Variants in RALYL observed in about 807,000 individuals in gnomAD.
The protein encoded by RALYL is RNA-binding Raly-like protein.
Under a neutral mutation model 35.1 loss-of-function variants are expected in RALYL, and 29 were observed. The ratio of observed to expected loss-of-function variants is 0.83; its 90% CI spans 0.61 to 1.13. RALYL has a LOEUF of 1.13. Ranked by LOEUF, RALYL falls within the 50% of genes most tolerant of loss-of-function variation. RALYL has a pLI of 0.00. For synonymous variants in RALYL, 120 were observed against 127.6 expected (o/e 0.94, Z 0.40); for missense variants, 359 against 360.4 (o/e 1.00, Z 0.03).
chr8:84,303,534 A>G (rs1841214484), intron 1 of RALYL, among the ~76,000 whole-genome samples: 1 of 152,132 alleles, frequency 6.6e-6, no homozygotes, highest in South Asian at 2.1e-4. Flanking sequence ...TGATTACTTA[A>G]TTAGTTTTCT....
At chr8:84,688,358 G>C (rs1277534667) in intron 2 of RALYL, among the ~76,000 whole-genome samples, 1 of 152,016 alleles carries the variant, frequency 6.6e-6, no homozygotes, top group Non-Finnish European at 1.5e-5. Context: ...AATCGAAACA[G>C]CCTGATGCTG....
chr8:84,729,808 T>C (rs1031578702), intron 2 of RALYL, among the ~76,000 whole-genome samples: 1 of 151,960 alleles, frequency 6.6e-6, no homozygotes, highest in African/African-American at 2.4e-5. Flanking sequence ...TTCCTCGACA[T>C]ATACACTCTC....
chr8:84,732,668 T>TTATATATATATA (rs1554553641), intron 2 of RALYL, among the ~76,000 whole-genome samples: 5 of 132,488 alleles, frequency 3.8e-5, no homozygotes, highest in African/African-American at 1.6e-4. Flanking sequence ...TATTAAATAA[T>TTATATATATATA]TATATATATA....
At chr8:84,346,167 T>C (rs1849795130) in intron 1 of RALYL, 1 of 579,688 alleles carries the variant, frequency 1.7e-6, no homozygotes. Context: ...GTTCAACAAA[T>C]GTTTGAATAA....
At chr8:84,618,218 G>T (rs1159225666) in intron 2 of RALYL, among the ~76,000 whole-genome samples, 1 of 151,756 alleles carries the variant, frequency 6.6e-6, no homozygotes. Context: ...GAATCCATTT[G>T]GTCCTGGACT....
intron 1 of RALYL, among the ~76,000 whole-genome samples, chr8:84,452,230 C>T (rs1216000946): frequency 1.5e-5 from 2 of 133,724 alleles, no homozygotes; most frequent in South Asian, 2.6e-4. Context: ...GTTGTTGATA[C>T]TACTTTTTTT....
At chr8:84,586,163 C>G (rs188174303) in intron 2 of RALYL, among the ~76,000 whole-genome samples, 73 of 151,322 alleles carry the variant, frequency 4.8e-4, no homozygotes, top group African/African-American at 1.7e-3. Flanking sequence ...CCACTGCACT[C>G]CAGCCTGGGC....
At chr8:84,204,336 A>G (rs1478563129) in intron 1 of RALYL, among the ~76,000 whole-genome samples, 1 of 152,178 alleles carries the variant, frequency 6.6e-6, no homozygotes, top group Non-Finnish European at 1.5e-5. Flanking sequence ...TGATAAATAA[A>G]ATCTATAAAT....
rs749301562 is a variant in RALYL, at chr8:84,650,364, CA to C, written c.256+120790del. Among the ~76,000 whole-genome samples the C allele has an allele frequency of 1.3e-4, 19 of 151,814 alleles. No homozygotes were observed. In the South Asian group the frequency reaches 2.5e-3, roughly 20 times the overall value. ...ATCCAGAATCTACAATGAACTCAAACAAATTTACAAGAAAAAAACAAACAAC... is the reference window on the plus strand; with the variant it reads ...ATCCAGAATCTACAATGAACTCAAACAATTTACAAGAAAAAAACAAACAAC... On this transcript the variant is annotated intron_variant, in intron 2 of 8. Transcript: ENST00000521268.
At chr8:84,459,729 A>G (rs192448002) in intron 1 of RALYL, among the ~76,000 whole-genome samples, 1 of 151,890 alleles carries the variant, frequency 6.6e-6, no homozygotes, top group Non-Finnish European at 1.5e-5. Flanking sequence ...AGTAAGTGAG[A>G]GAGAGGATAG....
intron 2 of RALYL, among the ~76,000 whole-genome samples, chr8:84,725,199 G>A (rs969239109): frequency 6.6e-6 from 1 of 151,572 alleles, no homozygotes; most frequent in African/African-American, 2.4e-5. Context: ...GATAGTTTAG[G>A]CAGAGTCTTA....
chr8:84,472,465 C>T (rs1231964016), intron 1 of RALYL, among the ~76,000 whole-genome samples: 1 of 151,996 alleles, frequency 6.6e-6, no homozygotes, highest in Non-Finnish European at 1.5e-5. Flanking sequence ...AGAGAAAATT[C>T]TAGAGAAAAA....
At chr8:84,580,534 T>C (rs1810582556) in intron 2 of RALYL, among the ~76,000 whole-genome samples, 1 of 152,198 alleles carries the variant, frequency 6.6e-6, no homozygotes, top group African/African-American at 2.4e-5. Context: ...GTCATTCACC[T>C]GGTGAAGGAT....
In RALYL at chr8:84,388,986, T is replaced by C. The variant is rs190488453; in HGVS notation, c.-23-140313T>C. On this transcript the variant is annotated intron_variant, in intron 1 of 8. Transcript: ENST00000521268. Reference sequence around the variant, plus strand: ...TTTTTATGGTTTTAGGTCTAACATGTAAGTCTTTAATCCATCTTGAATTGA... The same window carrying C: ...TTTTTATGGTTTTAGGTCTAACATGCAAGTCTTTAATCCATCTTGAATTGA... Among the ~76,000 whole-genome samples the C allele has an allele frequency of 4.1e-3, 627 of 152,340 alleles. 6 individuals carry two copies. The highest frequency in any genetic ancestry group is 0.014 in the African/African-American group (592 of 41,574).
intron 2 of RALYL, chr8:84,678,932 T>G (rs139822970): frequency 3.4e-4 from 80 of 238,046 alleles, no homozygotes; most frequent in African/African-American, 1.6e-3. Flanking sequence ...CTAGGCAGAT[T>G]AAGCAGGTTG....
intron 1 of RALYL, among the ~76,000 whole-genome samples, chr8:84,228,599 A>G (rs966337211): frequency 3.3e-5 from 5 of 152,158 alleles, no homozygotes; most frequent in Non-Finnish European, 5.9e-5. Flanking sequence ...ATCATTTGCT[A>G]TATAAATGGA....
intron 4 of RALYL, among the ~76,000 whole-genome samples, chr8:84,842,917 A>G (rs1833757317): frequency 6.6e-6 from 1 of 152,112 alleles, no homozygotes; most frequent in South Asian, 2.1e-4. Context: ...AAATTCAACA[A>G]CCCTTCATGC....
chr8:84,300,110 G>A (rs1840493695), intron 1 of RALYL, among the ~76,000 whole-genome samples: 1 of 152,010 alleles, frequency 6.6e-6, no homozygotes, highest in Admixed American at 6.6e-5. Flanking sequence ...TGCTTTAGAT[G>A]TATTCCAGAG....
intron 2 of RALYL, among the ~76,000 whole-genome samples, chr8:84,694,710 C>A (rs1357907668): frequency 9.2e-5 from 14 of 151,752 alleles, no homozygotes; most frequent in Admixed American, 2.0e-4. Context: ...AAATATATTA[C>A]AAAGCTATAG....
Sources: gnomAD v4.1 joint callset for allele counts (sites outside exome capture counted in the v4.1 genomes callset) on GRCh38, gnomAD v4.1.1 for gene constraint, MANE v1.5 for transcripts, NCBI Gene and HGNC (gene_info 2026-07-23, HGNC 2026-07-21) for gene names.